The following ADAMTSL1 variants were observed in gnomAD, a reference collection of about 807,000 sequenced individuals.
The protein encoded by ADAMTSL1 is ADAMTS like 1.
In ADAMTSL1, 126 loss-of-function variants were observed where a neutral mutation model predicts 201.8. The ratio of observed to expected loss-of-function variants is 0.62; its 90% CI spans 0.54 to 0.72. ADAMTSL1 has a LOEUF of 0.72. ADAMTSL1 is among the 30% of genes least tolerant of loss of function. The probability of loss-of-function intolerance (pLI) is 0.00; values close to 1 mark genes in which losing one functional copy is unlikely to be tolerated. For synonymous variants in ADAMTSL1, 1,121 were observed against 903.4 expected (o/e 1.24, Z -4.32); for missense variants, 2,679 against 2,277.8 (o/e 1.18, Z -3.59).
At chr9:18,516,655 G>C (rs1818380688) in intron 2 of ADAMTSL1, among the ~76,000 whole-genome samples, 1 of 152,166 alleles carries the variant, frequency 6.6e-6, no homozygotes, top group African/African-American at 2.4e-5. Flanking sequence ...TATGACATTG[G>C]ACTAGATTTT....
At chr9:18,267,089 T>C (rs529803917) in intron 2 of ADAMTSL1, among the ~76,000 whole-genome samples, 1 of 152,266 alleles carries the variant, frequency 6.6e-6, no homozygotes, top group Admixed American at 6.5e-5. Context: ...GCAAAAAGAA[T>C]TGCAGTGGCA....
At chr9:18,652,022 A>G (rs1828304675) in intron 7 of ADAMTSL1, among the ~76,000 whole-genome samples, 1 of 152,130 alleles carries the variant, frequency 6.6e-6, no homozygotes, top group Admixed American at 6.6e-5. Context: ...GGAAGATAAA[A>G]GACTAGATAG....
In ADAMTSL1 at chr9:18,016,711, C is replaced by T. The variant is rs1242483751; in HGVS notation, c.87+109789C>T. On this transcript the variant is annotated intron_variant, in intron 1 of 29. Coordinates refer to the ADAMTSL1 transcript ENST00000680146. ...CCATGTCCCATCAAGGTGCCATGTA[C>T]AAAAAAAGTACCTAACAATTTGTGT... Among the ~76,000 whole-genome samples, 7 of 151,900 alleles carry T rather than the reference C, an allele frequency of 4.6e-5. No individual in the cohort carries two copies. The East Asian group carries it at 1.4e-3, about 30-fold the overall frequency.
chr9:18,607,396 C>T (rs955874816), intron 4 of ADAMTSL1, among the ~76,000 whole-genome samples: 2 of 152,016 alleles, frequency 1.3e-5, no homozygotes, highest in African/African-American at 2.4e-5. Flanking sequence ...TTTGATAGAC[C>T]CACTTTGTAG....
chr9:18,043,251 A>G (rs536936601), intron 1 of ADAMTSL1, among the ~76,000 whole-genome samples: 1 of 152,214 alleles, frequency 6.6e-6, no homozygotes, highest in East Asian at 1.9e-4. Flanking sequence ...TTTTTTCATC[A>G]GCCAGGATTA....
chr9:18,559,837 G>C (rs1821357050), intron 3 of ADAMTSL1, among the ~76,000 whole-genome samples: 1 of 152,148 alleles, frequency 6.6e-6, no homozygotes, highest in African/African-American at 2.4e-5. Context: ...AGGAATGCTT[G>C]TGATTTTTGT....
rs912872158 is a variant in ADAMTSL1, at chr9:18,844,744, G to A, written c.4249+14767G>A. 5.3e-5 allele frequency among the ~76,000 whole-genome samples: 8 copies of A among 152,210 alleles called. No individual in the cohort carries two copies. In the East Asian group the frequency reaches 5.8e-4, roughly 11 times the overall value. Reference sequence around the variant, plus strand: ...TACCTAAGCAAGCCTGGGCAATGGCGGGCGCCCCTCCCCCAGCCTTGCTGC... The same window carrying A: ...TACCTAAGCAAGCCTGGGCAATGGCAGGCGCCCCTCCCCCAGCCTTGCTGC... On this transcript the variant is annotated intron_variant, in intron 23 of 28. Transcript: ENST00000380548.
chr9:18,351,856 CT>C (rs1465657943), intron 2 of ADAMTSL1, among the ~76,000 whole-genome samples: 1 of 152,112 alleles, frequency 6.6e-6, no homozygotes, highest in Non-Finnish European at 1.5e-5. Context: ...TTAGAGAGAC[CT>C]TTTAAAGAAA....
chr9:18,231,943 G>T (rs1352640173), intron 2 of ADAMTSL1, among the ~76,000 whole-genome samples: 1 of 152,134 alleles, frequency 6.6e-6, no homozygotes, highest in Non-Finnish European at 1.5e-5. Flanking sequence ...TCTCCCAGGA[G>T]GCAATAGCCT....
rs535098163 is a variant in ADAMTSL1 at position 18,106,767 on chromosome 9, G to A, written c.88-57095G>A. 1.3e-3 allele frequency among the ~76,000 whole-genome samples: 191 copies of A among 152,294 alleles called. 1 individual carries two copies. Among genetic ancestry groups the A allele is most frequent in the African/African-American group, 4.2e-3 (174 of 41,572 alleles). On this transcript the variant is annotated intron_variant, in intron 1 of 29. Transcript: ENST00000680146. ...AATGCTTTATCAGAACAGCTGACAAGTAGCAGCAATTGTACATTTGAGTTG... is the reference window on the plus strand; with the variant it reads ...AATGCTTTATCAGAACAGCTGACAAATAGCAGCAATTGTACATTTGAGTTG...
At chr9:18,892,309 G>C in intron 25 of ADAMTSL1, 80 bp from the exon 26 acceptor site, 1 of 1,414,190 alleles carries the variant, frequency 7.1e-7, no homozygotes, top group Non-Finnish European at 9.7e-7. Flanking sequence ...GGCAAGAGCA[G>C]GGATGTCGGT....
chr9:18,144,167 C>T (rs4133880), intron 1 of ADAMTSL1, among the ~76,000 whole-genome samples: 1 of 151,746 alleles, frequency 6.6e-6, no homozygotes, highest in Admixed American at 6.6e-5. Context: ...ATACACTTTG[C>T]ATGTCCTAAT....
At chr9:18,428,434 CAAA>C (rs368935296) in intron 2 of ADAMTSL1, among the ~76,000 whole-genome samples, 9 of 119,602 alleles carry the variant, frequency 7.5e-5, no homozygotes, top group African/African-American at 2.9e-4. Context: ...CCTATGTCTA[CAAA>C]AAAAAAAAAA....
intron 2 of ADAMTSL1, among the ~76,000 whole-genome samples, chr9:18,438,816 A>T (rs1191080919): frequency 6.6e-6 from 1 of 151,928 alleles, no homozygotes; most frequent in Non-Finnish European, 1.5e-5. Flanking sequence ...TCACCCTCAC[A>T]ATTCTGAAAA....
intron 14 of ADAMTSL1, among the ~76,000 whole-genome samples, chr9:18,717,056 A>T (rs1832990515): frequency 6.9e-6 from 1 of 145,226 alleles, no homozygotes; most frequent in South Asian, 2.2e-4. Flanking sequence ...TGGACACAGG[A>T]AGGGAACATC....
At chr9:18,389,382 C>T (rs964658720) in intron 2 of ADAMTSL1, among the ~76,000 whole-genome samples, 3 of 152,104 alleles carry the variant, frequency 2.0e-5, no homozygotes, top group African/African-American at 7.2e-5. Flanking sequence ...AAAAAATTTG[C>T]ACTGATAATC....
At chr9:18,366,657 TTTTTTTTTTTA>T (rs1836783003) in intron 2 of ADAMTSL1, among the ~76,000 whole-genome samples, 1 of 44,790 alleles carries the variant, frequency 2.2e-5, no homozygotes, top group Admixed American at 3.8e-4. Context: ...TTTTTTTTTT[TTTTTTTTTTTA>T]AGACAGAGTC....
At chr9:17,992,084 G>A (rs2131502079) in intron 1 of ADAMTSL1, among the ~76,000 whole-genome samples, 1 of 152,198 alleles carries the variant, frequency 6.6e-6, no homozygotes, top group South Asian at 2.1e-4. Flanking sequence ...CCTTCTGTGG[G>A]TGTGACGCTC....
chr9:18,459,301 G>A (rs1820723070), intron 2 of ADAMTSL1, among the ~76,000 whole-genome samples: 1 of 152,094 alleles, frequency 6.6e-6, no homozygotes, highest in Non-Finnish European at 1.5e-5. Context: ...CTCATAAACA[G>A]TGTATCTTTT....
Sources: allele counts gnomAD v4.1 joint callset (sites outside exome capture counted in the v4.1 genomes callset), GRCh38; gene constraint gnomAD v4.1.1; transcripts MANE v1.5; gene names NCBI Gene and HGNC (gene_info 2026-07-23, HGNC 2026-07-21).